The following GLB1L2 variants were observed in gnomAD, a reference collection of about 807,000 sequenced individuals.
GLB1L2 encodes galactosidase beta 1 like 2, also known as beta-galactosidase-1-like protein 2.
In GLB1L2, 68 loss-of-function variants were observed where a neutral mutation model predicts 84.1. The observed-to-expected ratio is 0.81, with a 90% CI of 0.67 to 0.99. GLB1L2 has a LOEUF of 0.99. Among genes scored for constraint, GLB1L2 ranks in the 50% least tolerant of loss-of-function variants. GLB1L2 has a pLI of 0.00. For missense variants in GLB1L2, 762 were observed against 805.6 expected, an observed-to-expected ratio of 0.95 and a Z score of 0.66; for synonymous variants, 290 against 318.0, an observed-to-expected ratio of 0.91 and a Z score of 0.94.
intron 17 of GLB1L2, 146 bp downstream of exon 17, chr11:134,374,402 A>G: frequency 1.3e-6 from 1 of 792,390 alleles, no homozygotes; most frequent in Non-Finnish European, 2.2e-6. Flanking sequence ...TCCCTGGGCC[A>G]GAGGAGTGGG....
chr11:134,362,012 C>T lies in GLB1L2; in HGVS notation c.734-2316C>T, dbSNP rs547983405. On this transcript the variant is annotated intron_variant, in intron 7 of 18. Coordinates refer to ENST00000535456, the MANE Select transcript of GLB1L2 (RefSeq NM_001370461.1). ...GTTACGCTCACCATGGTGGGCCGTG[C>T]GGGTTGTGCGTGTCTTTCGTGGTGC... 1.6e-4 allele frequency among the ~76,000 whole-genome samples: 24 copies of T among 152,294 alleles called. No homozygotes were observed. In the South Asian group the frequency reaches 4.8e-3, roughly 30 times the overall value.
Position 134,371,103 on chromosome 11 carries a change from C to T in GLB1L2, c.1311C>T (p.Ile437=). 1 of 1,614,222 alleles carries T rather than the reference C, an allele frequency of 6.2e-7. No homozygotes were observed. Among genetic ancestry groups the T allele is most frequent in the Non-Finnish European group, 8.5e-7 (1 of 1,180,028 alleles). ...SFGYILYETS[I]TSSGILSGHV... is the part of the protein sequence containing the mutation. Reference sequence around the variant, plus strand: ...GGTACATTCTCTATGAGACCAGCATCACCTCGTCTGGCATCCTCAGTGGCC... The same window carrying T: ...GGTACATTCTCTATGAGACCAGCATTACCTCGTCTGGCATCCTCAGTGGCC... Residue 437 remains isoleucine, a synonymous_variant, in exon 13 of 19, where the codon ATC becomes ATT. Transcript: ENST00000535456.
rs575318717 is a variant in GLB1L2 at position 134,338,732 on chromosome 11, T to G, written c.87-4022T>G. 1.3e-5 allele frequency among the ~76,000 whole-genome samples: 2 copies of G among 152,334 alleles called. No homozygotes were observed. The highest frequency in any genetic ancestry group is 4.8e-5 in the African/African-American group (2 of 41,584). On this transcript the variant is annotated intron_variant, in intron 1 of 18. Coordinates refer to ENST00000535456, the MANE Select transcript of GLB1L2 (RefSeq NM_001370461.1). This position sits in a 1 kb window ranked among gnomAD's most constrained non-coding sequence, Gnocchi z 6.2. ...CAGCTTGCCCAGCCTTCAGCACGAA[T>G]AGTGCATGCCCCTTTTCCACTTGCC...
Position 134,371,471 on chromosome 11 carries a change from G to A in GLB1L2, c.1407G>A (p.Lys469=), listed in dbSNP as rs1398106976. 6.3e-7 allele frequency: 1 copy of A among 1,594,730 alleles called. No homozygotes were observed. Among genetic ancestry groups the A allele is most frequent in the Non-Finnish European group, 8.6e-7 (1 of 1,162,360 alleles). The part of the protein sequence containing the change: ...SIGFLDYKTT[K]IAVPLIQGYT... Reference sequence around the variant, plus strand: ...GATTCTTGGACTACAAGACAACGAAGATTGCTGTCCCCCTGATCCAGGTTC... The same window carrying A: ...GATTCTTGGACTACAAGACAACGAAAATTGCTGTCCCCCTGATCCAGGTTC... Residue 469 remains lysine (K), a synonymous_variant, in exon 14 of 19, where the codon AAG becomes AAA. Coordinates refer to ENST00000535456, the MANE Select transcript of GLB1L2 (RefSeq NM_001370461.1).
chr11:134,342,692 G>T, intron 1 of GLB1L2, 62 bp from the exon 2 acceptor site: 4 of 1,517,398 alleles, frequency 2.6e-6, no homozygotes, highest in South Asian at 1.2e-5. Context: ...GCGAAGGGGC[G>T]AGGAAGCCGA....
chr11:134,358,987 A>T, intron 6 of GLB1L2, 73 bp from the exon 7 acceptor site: 1 of 1,048,356 alleles, frequency 9.5e-7, no homozygotes, highest in Non-Finnish European at 1.4e-6. Context: ...AGGCTACCCA[A>T]CTGCAGCTGT....
rs200300670 is a variant in GLB1L2 at position 134,374,729 on chromosome 11, C to T, written c.1824+11C>T. The T allele has an allele frequency of 1.5e-4, 242 of 1,593,990 alleles. No homozygotes were observed. The East Asian group carries it at 4.2e-3, about 28-fold the overall frequency. On this transcript the variant is annotated intron_variant, in intron 18 of 18. Coordinates refer to ENST00000535456, the MANE Select transcript of GLB1L2 (RefSeq NM_001370461.1). Reference sequence around the variant, plus strand: ...AGCGGAATCAACCAGGTGGGAGCTTCCAGCCCCTTCCTGTTCCCCATGACG... The same window carrying T: ...AGCGGAATCAACCAGGTGGGAGCTTTCAGCCCCTTCCTGTTCCCCATGACG...
At position 134,374,129 on chromosome 11, in the gene GLB1L2, T is replaced by C; in HGVS notation, c.1596-16T>C. ...GAAGGGCCTCCTCCCTCTCCTTCTC[T>C]GTGTTCTGTCCTTAGGTTCGGCCTG... On this transcript the variant is annotated splice_polypyrimidine_tract_variant and intron_variant, in intron 16 of 18. Coordinates refer to ENST00000535456, the MANE Select transcript of GLB1L2 (RefSeq NM_001370461.1). 2 of 1,577,524 alleles carry C rather than the reference T, an allele frequency of 1.3e-6. No individual in the cohort carries two copies. The highest frequency in any genetic ancestry group is 1.7e-6 in the Non-Finnish European group (2 of 1,146,822).
Position 134,370,876 on chromosome 11 carries a change from G to A in GLB1L2, c.1216-132G>A. The A allele has an allele frequency of 1.0e-6, 1 of 981,316 alleles. No homozygotes were observed. The allele number at this position is 981,316 out of a possible 1,614,324, so 60.8% of individuals were successfully genotyped here. A position where few individuals can be genotyped will look rare whatever the true frequency, so the allele number is the denominator to read the frequency against. ...CACCCTGGAGAGTTGTATGTTTAGTGCAATGAGAAGTCAAAGTAGAAAACA... is the reference window on the plus strand; with the variant it reads ...CACCCTGGAGAGTTGTATGTTTAGTACAATGAGAAGTCAAAGTAGAAAACA... On this transcript the variant is annotated intron_variant, in intron 12 of 18. Coordinates refer to ENST00000535456, the MANE Select transcript of GLB1L2 (RefSeq NM_001370461.1). This position sits in a 1 kb window ranked among gnomAD's most constrained non-coding sequence, Gnocchi z 4.7.
rs1477666570 is a variant in GLB1L2 at position 134,339,184 on chromosome 11, C to T, written c.87-3570C>T. ...ATTTGGTTAGCTGCTTGGTATCAAGCCTAATTTAGGAGTAAAGTCTTGCTG... is the reference window on the plus strand; with the variant it reads ...ATTTGGTTAGCTGCTTGGTATCAAGTCTAATTTAGGAGTAAAGTCTTGCTG... On this transcript the variant is annotated intron_variant, in intron 1 of 18. Transcript: ENST00000535456. This position sits in a 1 kb window ranked among gnomAD's most constrained non-coding sequence, Gnocchi z 5.7. Among the ~76,000 whole-genome samples the T allele has an allele frequency of 1.3e-5, 2 of 152,144 alleles. No individual in the cohort carries two copies. The highest frequency in any genetic ancestry group is 2.9e-5 in the Non-Finnish European group (2 of 68,014).
At chr11:134,354,279 A>T (rs1021345698) in intron 5 of GLB1L2, among the ~76,000 whole-genome samples, 2 of 144,332 alleles carry the variant, frequency 1.4e-5, no homozygotes, top group Admixed American at 1.3e-4. Context: ...GCACACAAAA[A>T]CTCCTTTACA....
rs906562539 is a variant in GLB1L2 at position 134,370,227 on chromosome 11, G to A, written c.1109-66G>A. The A allele has an allele frequency of 2.2e-5, 30 of 1,341,466 alleles. No individual in the cohort carries two copies. In the East Asian group the frequency reaches 3.4e-4, roughly 15 times the overall value. The allele number at this position is 1,341,466 out of a possible 1,614,324, so 83.1% of individuals were successfully genotyped here. A position where few individuals can be genotyped will look rare whatever the true frequency, so the allele number is the denominator to read the frequency against. The stretch of plus-strand genomic sequence containing the variant: ...CATCGGGTCTGTGGATGGGAGCCGG[G>A]TGGGGAGGACGAGCAGGCAGTGACA... On this transcript the variant is annotated intron_variant, in intron 11 of 18. Transcript: ENST00000535456. This position sits in a 1 kb window ranked among gnomAD's most constrained non-coding sequence, Gnocchi z 4.7.
Position 134,374,684 on chromosome 11 carries a change from T to A in GLB1L2, c.1790T>A (p.Leu597His), listed in dbSNP as rs764866397. The part of the protein sequence containing the change: ...WNIGPQKTLY[L>H]PGPWLSSGIN... ...ATTGGACCCCAGAAGACGCTTTACC[T>A]CCCAGGTCCCTGGTTGAGCAGCGGA... The change falls in exon 18 of 19, where the codon CTC (leucine) becomes CAC (histidine). Residue 597 changes from leucine (L) to histidine (H), a missense_variant. By Grantham distance (99) the Leu-to-His change is moderately conservative (BLOSUM62 -3). This residue lies in a region of GLB1L2 where 603 missense variants were observed against 611.7 expected (regional missense o/e 0.99). Transcript: ENST00000535456. 4 of 1,613,858 alleles carry A rather than the reference T, an allele frequency of 2.5e-6. No individual in the cohort carries two copies. In the South Asian group the frequency reaches 4.4e-5, roughly 18 times the overall value.
At chr11:134,350,485 C>T (rs1048052361) in intron 5 of GLB1L2, among the ~76,000 whole-genome samples, 1 of 152,226 alleles carries the variant, frequency 6.6e-6, no homozygotes, top group Non-Finnish European at 1.5e-5. Flanking sequence ...CACCACTTGG[C>T]TGCCGCTGGG....
intron 1 of GLB1L2, among the ~76,000 whole-genome samples, chr11:134,341,886 G>A (rs1943467594): frequency 6.6e-6 from 1 of 151,800 alleles, no homozygotes; most frequent in South Asian, 2.1e-4. Flanking sequence ...CCGCCTGCTA[G>A]TGTCAGGGCA....
rs962041867 is a variant in GLB1L2 at position 134,346,980 on chromosome 11, C to T, written c.450-345C>T. 2.8e-5 allele frequency: 7 copies of T among 250,688 alleles called. No individual in the cohort carries two copies. The South Asian group carries it at 4.4e-4, about 16-fold the overall frequency. The allele number at this position is 250,688 out of a possible 1,614,324, so 15.5% of individuals were successfully genotyped here. A position where few individuals can be genotyped will look rare whatever the true frequency, so the allele number is the denominator to read the frequency against. On this transcript the variant is annotated intron_variant, in intron 4 of 18. Coordinates refer to ENST00000535456, the MANE Select transcript of GLB1L2 (RefSeq NM_001370461.1). ...CCTCAGTGATTCCTAACCCTTTTGA[C>T]TTCACTTTTTGAAATGGGATCACAG...
chr11:134,358,899 G>A (rs760215468), intron 6 of GLB1L2, among the ~76,000 whole-genome samples, 161 bp from the exon 7 acceptor site: 17 of 152,250 alleles, frequency 1.1e-4, no homozygotes, highest in Non-Finnish European at 2.2e-4. Context: ...GAGCATGGCC[G>A]GTGCAGATGG....
intron 7 of GLB1L2, chr11:134,360,885 G>A (rs1248927935): frequency 6.6e-6 from 1 of 152,186 alleles, no homozygotes; most frequent in Non-Finnish European, 1.5e-5. Flanking sequence ...GCCGGGCAGT[G>A]GCTCAGGCCT....
At chr11:134,359,021 A>T (rs1294965308) in intron 6 of GLB1L2, 39 bp from the exon 7 acceptor site, 1 of 1,479,960 alleles carries the variant, frequency 6.8e-7, no homozygotes, top group Non-Finnish European at 9.2e-7. Flanking sequence ...AGCTCTAAGG[A>T]GCCAGGGCAG....
Sources: allele counts gnomAD v4.1 joint callset (sites outside exome capture counted in the v4.1 genomes callset), GRCh38; gene constraint gnomAD v4.1.1; regional missense constraint gnomAD v4.1.1; non-coding constraint Gnocchi (gnomAD v3.1); transcripts MANE v1.5; gene names NCBI Gene and HGNC (gene_info 2026-07-23, HGNC 2026-07-21).